Variants in USP42 observed in about 807,000 individuals in gnomAD.
USP42 encodes ubiquitin specific peptidase 42.
A neutral mutation model predicts 113.0 loss-of-function variants in USP42; 23 were observed. The observed-to-expected ratio is 0.20, with a 90% CI of 0.15 to 0.29. The LOEUF (loss-of-function observed/expected upper bound fraction) is 0.29, where lower values mean the gene tolerates loss of function less well. Among genes scored for constraint, USP42 ranks in the 10% least tolerant of loss-of-function variants. The probability of loss-of-function intolerance (pLI) is 1.00; values close to 1 mark genes in which losing one functional copy is unlikely to be tolerated. For missense variants in USP42, 2,174 were observed against 1,779.8 expected (o/e 1.22, Z -3.99); for synonymous variants, 933 against 699.0 (o/e 1.33, Z -5.28).
In USP42 at chr7:6,159,875, G is replaced by A. The variant is rs530519056; in HGVS notation, c.*36+382G>A. Among the ~76,000 whole-genome samples the A allele has an allele frequency of 7.9e-5, 12 of 152,352 alleles. No homozygotes were observed. In the East Asian group the frequency reaches 1.4e-3, roughly 17 times the overall value. ...GCACAGGCACCTCACTCAGGAGAGCGGAGCCTTGCTCCCTCGTCCGTCCCG... is the reference window on the plus strand; with the variant it reads ...GCACAGGCACCTCACTCAGGAGAGCAGAGCCTTGCTCCCTCGTCCGTCCCG... On this transcript the variant is annotated intron_variant, in intron 17 of 17. Transcript: ENST00000306177. This position sits in a 1 kb window ranked among gnomAD's most constrained non-coding sequence, Gnocchi z 4.1.
chr7:6,086,742 T>C, the USP42 span, among the ~76,000 whole-genome samples: 1 of 149,872 alleles, frequency 6.7e-6, no homozygotes, highest in Non-Finnish European at 1.5e-5. Context: ...TCCTTTCTTT[T>C]TGAGATGGAG....
At chr7:6,116,344 T>C (rs180736755) in intron 3 of USP42, 1 of 167,412 alleles carries the variant, frequency 6.0e-6, no homozygotes, top group East Asian at 1.9e-4. Context: ...TTAAAGCTTA[T>C]TAAAATGTCT....
intron 14 of USP42, among the ~76,000 whole-genome samples, chr7:6,153,225 A>G (rs1782173529): frequency 6.6e-6 from 1 of 151,914 alleles, no homozygotes; most frequent in Admixed American, 6.6e-5. Flanking sequence ...GGGAGCTGAG[A>G]TCACACCACT....
At chr7:6,153,568 G>A (rs1212105847) in intron 14 of USP42, among the ~76,000 whole-genome samples, 188 bp from the exon 15 acceptor site, 2 of 152,190 alleles carry the variant, frequency 1.3e-5, no homozygotes, top group Admixed American at 1.3e-4. Flanking sequence ...CACCAGCATG[G>A]CACACGTATA....
intron 12 of USP42, 43 bp from the exon 13 acceptor site, chr7:6,149,540 A>C (rs769454448): frequency 7.0e-6 from 11 of 1,560,540 alleles, no homozygotes; most frequent in Middle Eastern, 1.9e-4. Context: ...TTGTGTGACC[A>C]TGTTTCTGGA....
intron 15 of USP42, among the ~76,000 whole-genome samples, chr7:6,156,321 A>G (rs957589264): frequency 2.0e-5 from 3 of 152,206 alleles, no homozygotes; most frequent in Non-Finnish European, 4.4e-5. Context: ...AGTTAGCAGA[A>G]TCCTCCCTGC....
upstream of USP42, among the ~76,000 whole-genome samples, chr7:6,100,027 A>ATTATTC (rs1790072080): frequency 6.7e-6 from 1 of 149,088 alleles, no homozygotes; most frequent in African/African-American, 2.5e-5. Context: ...TATTATTATT[A>ATTATTC]TTATTGGTAG....
Position 6,154,569 on chromosome 7 carries a change from G to A in USP42, c.3015G>A (p.Arg1005=). The A allele has an allele frequency of 1.9e-6, 3 of 1,557,738 alleles. No individual in the cohort carries two copies. Among genetic ancestry groups the A allele is most frequent in the African/African-American group, 1.4e-5 (1 of 73,412 alleles). The part of the protein sequence containing the change: ...APEHHPGHGD[R]LSPGERRSLG... ...AGCACCACCCCGGCCACGGCGACAG[G>A]CTCAGCCCTGGCGAGCGCCGCTCTC... Residue 1005 remains arginine, a synonymous_variant, in exon 15 of 18, where the codon AGG becomes AGA. Transcript: ENST00000306177.
At chr7:6,127,696 G>A (rs1446064268) in intron 3 of USP42, among the ~76,000 whole-genome samples, 1 of 152,186 alleles carries the variant, frequency 6.6e-6, no homozygotes, top group South Asian at 2.1e-4. Flanking sequence ...CTTGTCATCG[G>A]TTAGAATGAT....
At chr7:6,145,797 C>T in intron 10 of USP42, 141 bp downstream of exon 10, 1 of 1,001,962 alleles carries the variant, frequency 1.0e-6, no homozygotes, top group South Asian at 1.6e-5. Context: ...TGGCCGGGCG[C>T]AGTGGCTTAC....
chr7:6,154,391 G>C lies in USP42; in HGVS notation c.2837G>C (p.Arg946Thr), dbSNP rs1449383266. 1.9e-6 allele frequency: 3 copies of C among 1,577,136 alleles called. No homozygotes were observed. The highest frequency in any genetic ancestry group is 2.6e-6 in the Non-Finnish European group (3 of 1,163,190). Residue 946 changes from arginine to threonine, a missense_variant, in exon 15 of 18, where the codon AGA becomes ACA. Coordinates refer to ENST00000306177, the MANE Select transcript of USP42 (RefSeq NM_032172.3). The stretch of plus-strand genomic sequence containing the variant: ...GCGAAGGAGAAAATCGGCAGCCTCA[G>C]AAAGGTGGACCGAGGCCACTACCGC... Reference protein sequence around the residue: ...SPAKEKIGSLRKVDRGHYRSR... With the variant: ...SPAKEKIGSLTKVDRGHYRSR...
chr7:6,122,541 C>G (rs999208346), intron 3 of USP42, among the ~76,000 whole-genome samples: 4 of 150,832 alleles, frequency 2.7e-5, no homozygotes, highest in African/African-American at 9.8e-5. Context: ...GTGATCTCGG[C>G]TCAACTGCAA....
chr7:6,119,589 G>A (rs1780098920), intron 3 of USP42, among the ~76,000 whole-genome samples: 1 of 152,190 alleles, frequency 6.6e-6, no homozygotes, highest in South Asian at 2.1e-4. Context: ...TTTTGATTGG[G>A]ACTGTGCTGA....
rs1050212469 is a variant in USP42, at chr7:6,158,191, C to T, written c.3943+1136C>T. Among the ~76,000 whole-genome samples, 5 of 152,234 alleles carry T rather than the reference C, an allele frequency of 3.3e-5. No individual in the cohort carries two copies. The highest frequency in any genetic ancestry group is 6.5e-5 in the Admixed American group (1 of 15,292). Reference sequence around the variant, plus strand: ...CTCAGTGTCTGTGGCTTGATTGGGGCGCAGCCAGGTGCGTTCCCACGCTGT... The same window carrying T: ...CTCAGTGTCTGTGGCTTGATTGGGGTGCAGCCAGGTGCGTTCCCACGCTGT... On this transcript the variant is annotated intron_variant, in intron 16 of 17. Coordinates refer to ENST00000306177, the MANE Select transcript of USP42 (RefSeq NM_032172.3). This position sits in a 1 kb window ranked among gnomAD's most constrained non-coding sequence, Gnocchi z 4.2.
At position 6,137,036 on chromosome 7, in the gene USP42, T is replaced by A. The variant is rs554316212; in HGVS notation, c.553+1085T>A. Among the ~76,000 whole-genome samples the A allele has an allele frequency of 3.9e-5, 6 of 152,348 alleles. No homozygotes were observed. The East Asian group carries it at 1.2e-3, about 29-fold the overall frequency. On this transcript the variant is annotated intron_variant, in intron 4 of 17. Coordinates refer to ENST00000306177, the MANE Select transcript of USP42 (RefSeq NM_032172.3). ...AATTTTTGAATTTTAAATGGGTAAG[T>A]GCATGAAATTTTCTTACATTCTGTG...
At chr7:6,117,916 G>A (rs1284434052) in intron 3 of USP42, among the ~76,000 whole-genome samples, 1 of 152,080 alleles carries the variant, frequency 6.6e-6, no homozygotes, top group African/African-American at 2.4e-5. Flanking sequence ...TTGCCCGTTT[G>A]AAAACTGGTA....
chr7:6,115,227 G>A (rs1209349563), intron 2 of USP42, 96 bp from the exon 3 acceptor site: 1 of 1,251,700 alleles, frequency 8.0e-7, no homozygotes, highest in Non-Finnish European at 1.1e-6. Context: ...TGAGATTTCG[G>A]ATCTTGTAAA....
intron 3 of USP42, among the ~76,000 whole-genome samples, chr7:6,117,706 G>T (rs1415580669): frequency 6.6e-6 from 1 of 152,290 alleles, no homozygotes; most frequent in Non-Finnish European, 1.5e-5. Flanking sequence ...CCAATACTTG[G>T]TGGGGTCAGT....
chr7:6,093,053 G>A, the USP42 span: 1 of 150,636 alleles, frequency 6.6e-6, no homozygotes, highest in Non-Finnish European at 1.5e-5. Context: ...GAGTCTCCGT[G>A]TGGGCTGCTG....
Sources: allele counts gnomAD v4.1 joint callset (sites outside exome capture counted in the v4.1 genomes callset), GRCh38; gene constraint gnomAD v4.1.1; non-coding constraint Gnocchi (gnomAD v3.1); transcripts MANE v1.5; gene names NCBI Gene and HGNC (gene_info 2026-07-23, HGNC 2026-07-21).